ZEB1: variants seen among roughly 807,000 people sequenced by gnomAD.
ZEB1 encodes the protein zinc finger E-box binding homeobox 1.
ZEB1 carries 21 observed loss-of-function variants against 84.9 expected under a neutral mutation model. That is an observed-to-expected ratio of 0.25 (90% CI 0.18 to 0.36). The LOEUF (loss-of-function observed/expected upper bound fraction) is 0.36, where lower values mean the gene tolerates loss of function less well. Among genes scored for constraint, ZEB1 ranks in the 10% least tolerant of loss-of-function variants. The probability of loss-of-function intolerance (pLI) is 1.00; values close to 1 mark genes in which losing one functional copy is unlikely to be tolerated. For synonymous variants in ZEB1, 420 were observed against 471.1 expected, an observed-to-expected ratio of 0.89 and a Z score of 1.41; for missense variants, 1,104 against 1,330.2, an observed-to-expected ratio of 0.83 and a Z score of 2.65.
At chr10:31,476,028 T>C (rs1421386509) in intron 2 of ZEB1, among the ~76,000 whole-genome samples, 1 of 152,014 alleles carries the variant, frequency 6.6e-6, no homozygotes, top group Non-Finnish European at 1.5e-5. Context: ...AACCATCTGC[T>C]GCCTACCAGA....
intron 1 of ZEB1, among the ~76,000 whole-genome samples, chr10:31,446,621 C>T (rs2136839068): frequency 6.6e-6 from 1 of 151,922 alleles, no homozygotes; most frequent in Admixed American, 6.6e-5. Flanking sequence ...TGTCTTTGTT[C>T]TCGTTGGTTT....
intron 5 of ZEB1, among the ~76,000 whole-genome samples, chr10:31,514,302 A>G (rs1466376777): frequency 6.6e-6 from 1 of 152,116 alleles, no homozygotes; most frequent in Admixed American, 6.6e-5. Flanking sequence ...ACTAATTTTG[A>G]ATATTGTTTA....
chr10:31,419,425 G>A (rs1247757203), intron 1 of ZEB1, among the ~76,000 whole-genome samples: 1 of 152,130 alleles, frequency 6.6e-6, no homozygotes, highest in African/African-American at 2.4e-5. Context: ...AATATAAGAT[G>A]ACTTGTTTTA....
At chr10:31,337,045 A>T (rs2038236176) in intron 1 of ZEB1, among the ~76,000 whole-genome samples, 1 of 152,052 alleles carries the variant, frequency 6.6e-6, no homozygotes, top group Non-Finnish European at 1.5e-5. Context: ...TAACAAAACA[A>T]AAAAATAAAT....
At position 31,438,055 on chromosome 10, in the gene ZEB1, G is replaced by C. The variant is rs570631733; in HGVS notation, c.59-22982G>C. On this transcript the variant is annotated intron_variant, in intron 1 of 8. Coordinates refer to ENST00000424869, the MANE Select transcript of ZEB1 (RefSeq NM_001174096.2). ...GTTGAAACTATTTAAATAATTGACT[G>C]TGTGTTTGGGTGTATGTGAGATACT... Among the ~76,000 whole-genome samples, 3 of 152,322 alleles carry C rather than the reference G, an allele frequency of 2.0e-5. No homozygotes were observed. The South Asian group carries it at 6.2e-4, about 32-fold the overall frequency.
In ZEB1 at chr10:31,526,625, A is replaced by G. The variant is rs113156522; in HGVS notation, c.2786-47A>G. 4.7e-5 allele frequency: 75 copies of G among 1,605,276 alleles called. 4 individuals are homozygous for G. The African/African-American group carries it at 8.8e-4, about 19-fold the overall frequency. On this transcript the variant is annotated intron_variant, in intron 8 of 8. Coordinates refer to ENST00000424869, the MANE Select transcript of ZEB1 (RefSeq NM_001174096.2). ...ACCCCAAAAACCGTATAAGGATTTT[A>G]TTTGCTGAATACCACCATTTTATTT...
chr10:31,471,535 A>G (rs2063246284), intron 2 of ZEB1, among the ~76,000 whole-genome samples: 1 of 147,090 alleles, frequency 6.8e-6, no homozygotes, highest in Non-Finnish European at 1.5e-5. Context: ...TATGCACCCA[A>G]TACAGGAGCA....
chr10:31,363,658 T>C, intron 1 of ZEB1: 1 of 1,421,954 alleles, frequency 7.0e-7, no homozygotes, highest in Non-Finnish European at 9.6e-7. Flanking sequence ...AAGTTGAAGG[T>C]TAAACTTGCC....
intron 1 of ZEB1, among the ~76,000 whole-genome samples, chr10:31,404,320 G>A (rs2052583039): frequency 2.0e-5 from 3 of 151,486 alleles, no homozygotes; most frequent in Admixed American, 2.0e-4. Flanking sequence ...ATTAATGTAG[G>A]CCTCTGCTTA....
rs79896724 is a variant in ZEB1, at chr10:31,466,065, A to G, written c.259+4828A>G. ...TCATTGTATAATGATAAAGAGGTCA[A>G]TTTATCAAGATGATACAATTCTAAA... is the stretch of plus-strand genomic sequence containing the variant. On this transcript the variant is annotated intron_variant, in intron 2 of 8. Coordinates refer to ENST00000424869, the MANE Select transcript of ZEB1 (RefSeq NM_001174096.2). 2.3e-3 allele frequency among the ~76,000 whole-genome samples: 346 copies of G among 152,336 alleles called. 12 individuals carry two copies. The East Asian group carries it at 0.056, about 24-fold the overall frequency.
chr10:31,461,572 A>G (rs902787006), intron 2 of ZEB1, among the ~76,000 whole-genome samples: 1 of 152,156 alleles, frequency 6.6e-6, no homozygotes, highest in African/African-American at 2.4e-5. Context: ...TAAATATCAT[A>G]TAGATATAGT....
At chr10:31,382,021 A>C (rs866093801) in intron 1 of ZEB1, among the ~76,000 whole-genome samples, 10 of 149,958 alleles carry the variant, frequency 6.7e-5, no homozygotes, top group East Asian at 5.8e-4. Flanking sequence ...AAAAAAAAAA[A>C]AAAAAAAAAA....
chr10:31,386,459 GA>G (rs2048654720), intron 1 of ZEB1, among the ~76,000 whole-genome samples: 1 of 151,774 alleles, frequency 6.6e-6, no homozygotes, highest in African/African-American at 2.4e-5. Flanking sequence ...TTCACCTTAA[GA>G]ATATTGACTA....
chr10:31,446,926 G>C (rs2059860980), intron 1 of ZEB1, among the ~76,000 whole-genome samples: 1 of 152,068 alleles, frequency 6.6e-6, no homozygotes, highest in Admixed American at 6.5e-5. Context: ...ATGTCTATTA[G>C]GTCTGCTTGG....
intron 1 of ZEB1, chr10:31,361,310 A>G: frequency 8.2e-7 from 1 of 1,226,174 alleles, no homozygotes; most frequent in Non-Finnish European, 1.2e-6. Context: ...CTCCTGCCTC[A>G]GCCTCCTGAG....
At chr10:31,497,971 A>AGATTGATT (rs1554911022) in intron 3 of ZEB1, among the ~76,000 whole-genome samples, 1 of 149,488 alleles carries the variant, frequency 6.7e-6, no homozygotes. Context: ...ATAGATAGAT[A>AGATTGATT]GATTTAAAAA....
chr10:31,355,315 A>G (rs972954971), intron 1 of ZEB1: 1 of 151,486 alleles, frequency 6.6e-6, no homozygotes, highest in African/African-American at 2.5e-5. Context: ...TTCAACAATA[A>G]TTCATTTATC....
intron 1 of ZEB1, among the ~76,000 whole-genome samples, chr10:31,323,281 C>G (rs1273955545): frequency 1.3e-5 from 2 of 151,710 alleles, no homozygotes; most frequent in African/African-American, 4.8e-5. Flanking sequence ...AGTAAGATCC[C>G]TTAAAATATA....
chr10:31,368,568 TTTG>T (rs1458336114), intron 1 of ZEB1, among the ~76,000 whole-genome samples: 1 of 152,174 alleles, frequency 6.6e-6, no homozygotes, highest in Non-Finnish European at 1.5e-5. Context: ...TTTTTATTGT[TTTG>T]TTGTTTTTTA....
Sources: allele counts gnomAD v4.1 joint callset (sites outside exome capture counted in the v4.1 genomes callset), GRCh38; gene constraint gnomAD v4.1.1; transcripts MANE v1.5; gene names NCBI Gene and HGNC (gene_info 2026-07-23, HGNC 2026-07-21).